LRMDA: variants seen among roughly 807,000 people sequenced by gnomAD.
LRMDA encodes leucine-rich melanocyte differentiation-associated protein.
LRMDA carries 18 observed loss-of-function variants against 29.8 expected under a neutral mutation model. The ratio of observed to expected loss-of-function variants is 0.60; its 90% CI spans 0.42 to 0.90. The LOEUF (loss-of-function observed/expected upper bound fraction) is 0.90. Among genes scored for constraint, LRMDA ranks in the 40% least tolerant of loss-of-function variants. The pLI, the probability that LRMDA is intolerant of heterozygous loss-of-function variation, is 0.00. For synonymous variants in LRMDA, 125 were observed against 109.4 expected (o/e 1.14, Z -0.89); for missense variants, 273 against 273.9 (o/e 1.00, Z 0.02).
intron 4 of LRMDA, among the ~76,000 whole-genome samples, chr10:76,054,251 C>T (rs912440544): frequency 1.3e-5 from 2 of 152,116 alleles, no homozygotes; most frequent in African/African-American, 2.4e-5. Flanking sequence ...TCCCTCACAC[C>T]TCTCCAAGCA....
At chr10:76,549,425 T>C (rs896315963) in intron 6 of LRMDA, among the ~76,000 whole-genome samples, 35 of 152,326 alleles carry the variant, frequency 2.3e-4, no homozygotes, top group African/African-American at 8.4e-4. Flanking sequence ...AGTGGAAAGC[T>C]GCACTGGACG....
chr10:76,436,622 T>A (rs1435101707), intron 6 of LRMDA, among the ~76,000 whole-genome samples: 2 of 152,164 alleles, frequency 1.3e-5, no homozygotes, highest in Non-Finnish European at 2.9e-5. Flanking sequence ...GCGGAGAGCA[T>A]CGGTGCTCAG....
At chr10:76,434,066 T>C (rs1386748460) in intron 6 of LRMDA, among the ~76,000 whole-genome samples, 3 of 152,196 alleles carry the variant, frequency 2.0e-5, no homozygotes, top group Non-Finnish European at 4.4e-5. Flanking sequence ...TCCAAAAGGG[T>C]TAGTAACAGA....
intron 6 of LRMDA, among the ~76,000 whole-genome samples, chr10:76,475,076 A>G: frequency 6.6e-6 from 1 of 151,736 alleles, no homozygotes; most frequent in Non-Finnish European, 1.5e-5. Flanking sequence ...TAAACCTTGA[A>G]AACATTATGC....
intron 2 of LRMDA, among the ~76,000 whole-genome samples, chr10:75,991,019 G>A (rs943835851): frequency 6.6e-6 from 1 of 152,168 alleles, no homozygotes; most frequent in African/African-American, 2.4e-5. Context: ...TAAAGTGAAG[G>A]TGATATCTCA....
chr10:75,478,472 C>T (rs1844821025), intron 2 of LRMDA, among the ~76,000 whole-genome samples: 1 of 152,108 alleles, frequency 6.6e-6, no homozygotes, highest in African/African-American at 2.4e-5. Flanking sequence ...GTTGCTTTGC[C>T]TTGTCCCTGG....
At chr10:76,133,928 G>A (rs67339103) in intron 5 of LRMDA, among the ~76,000 whole-genome samples, 49,260 of 151,952 alleles carry the variant, frequency 0.32, 9,146 homozygotes, top group East Asian at 0.67. Flanking sequence ...GGGTGGTGAG[G>A]CCCCTGCTGT....
chr10:76,451,014 A>C (rs1316106090), intron 6 of LRMDA, among the ~76,000 whole-genome samples: 4 of 152,164 alleles, frequency 2.6e-5, no homozygotes, highest in Non-Finnish European at 5.9e-5. Flanking sequence ...ATAGTGGCAG[A>C]TGTATACATA....
chr10:76,288,292 C>T (rs1840297014), intron 5 of LRMDA, among the ~76,000 whole-genome samples: 1 of 152,126 alleles, frequency 6.6e-6, no homozygotes, highest in Admixed American at 6.5e-5. Flanking sequence ...TGGGTATATA[C>T]CTAAAGGAAT....
intron 2 of LRMDA, among the ~76,000 whole-genome samples, chr10:75,865,291 AC>A (rs1448371917): frequency 6.6e-6 from 1 of 152,214 alleles, no homozygotes; most frequent in Non-Finnish European, 1.5e-5. Flanking sequence ...ACTTTGTGGG[AC>A]AGTGGCAAGT....
intron 2 of LRMDA, among the ~76,000 whole-genome samples, chr10:75,820,593 A>G (rs1844140926): frequency 6.6e-6 from 1 of 152,170 alleles, no homozygotes; most frequent in African/African-American, 2.4e-5. Context: ...TTATACCTAG[A>G]AAAACAAGAA....
intron 5 of LRMDA, among the ~76,000 whole-genome samples, chr10:76,093,020 A>G: frequency 6.6e-6 from 1 of 152,086 alleles, no homozygotes; most frequent in East Asian, 1.9e-4. Flanking sequence ...GGCACCATGA[A>G]CTAAGTTGGA....
chr10:75,617,610 T>C lies in LRMDA; in HGVS notation c.131+179116T>C, dbSNP rs552182957. On this transcript the variant is annotated intron_variant, in intron 2 of 6. Coordinates refer to ENST00000611255, the MANE Select transcript of LRMDA (RefSeq NM_001305581.2). ...ACTGCTCCCCTCTGTCTTTTCTTTC[T>C]GGACTTCTCTCTTGCTACTTCTCTG... 1.3e-4 allele frequency among the ~76,000 whole-genome samples: 20 copies of C among 152,302 alleles called. No homozygotes were observed. The South Asian group carries it at 2.9e-3, about 22-fold the overall frequency.
intron 2 of LRMDA, among the ~76,000 whole-genome samples, chr10:75,785,344 C>T (rs1228553557): frequency 1.8e-5 from 1 of 55,916 alleles, no homozygotes; most frequent in Non-Finnish European, 3.1e-5. Flanking sequence ...AGTCCTTGAA[C>T]GGGTGTGGAG....
intron 2 of LRMDA, among the ~76,000 whole-genome samples, chr10:75,777,182 G>A (rs1327821841): frequency 6.6e-6 from 1 of 152,168 alleles, no homozygotes; most frequent in African/African-American, 2.4e-5. Context: ...CAGGGCTGGT[G>A]GGAAAGCTGG....
At chr10:76,274,557 G>A (rs1255061955) in intron 5 of LRMDA, among the ~76,000 whole-genome samples, 1 of 152,124 alleles carries the variant, frequency 6.6e-6, no homozygotes, top group African/African-American at 2.4e-5. Flanking sequence ...ATGTTTCTGT[G>A]TTCTTTCTAG....
intron 2 of LRMDA, among the ~76,000 whole-genome samples, chr10:75,749,351 T>A (rs1037580631): frequency 3.9e-5 from 6 of 152,116 alleles, no homozygotes; most frequent in African/African-American, 4.8e-5. Flanking sequence ...TTTATGTGAA[T>A]TTTTGGCTGT....
chr10:75,936,651 G>A (rs2132405566), intron 2 of LRMDA, among the ~76,000 whole-genome samples: 1 of 152,272 alleles, frequency 6.6e-6, no homozygotes, highest in East Asian at 1.9e-4. Context: ...GGCAGCAGTA[G>A]GTTAGGTGTC....
At chr10:75,834,288 A>G (rs1173080332) in intron 2 of LRMDA, among the ~76,000 whole-genome samples, 2 of 152,128 alleles carry the variant, frequency 1.3e-5, no homozygotes, top group Non-Finnish European at 1.5e-5. Context: ...TTCTGTTGAG[A>G]TGGTTGAGGG....
Sources: allele counts gnomAD v4.1 joint callset (sites outside exome capture counted in the v4.1 genomes callset), GRCh38; gene constraint gnomAD v4.1.1; transcripts MANE v1.5; gene names NCBI Gene and HGNC (gene_info 2026-07-23, HGNC 2026-07-21).